Variants in STIMATE observed in about 807,000 individuals in gnomAD.
STIMATE encodes the protein STIM activating enhancer.
Under a neutral mutation model 36.7 loss-of-function variants are expected in STIMATE, and 15 were observed. That is an observed-to-expected ratio of 0.41 (90% CI 0.27 to 0.63). The LOEUF is 0.63. Ranked by LOEUF, STIMATE falls within the 20% of genes least tolerant of loss-of-function variation. The probability of loss-of-function intolerance (pLI) is 0.32; values close to 1 mark genes in which losing one functional copy is unlikely to be tolerated. For synonymous variants in STIMATE, 163 were observed against 162.3 expected, an observed-to-expected ratio of 1.00 and a Z score of -0.03; for missense variants, 305 against 397.3, an observed-to-expected ratio of 0.77 and a Z score of 1.98.
intron 1 of STIMATE, among the ~76,000 whole-genome samples, chr3:52,879,950 G>A (rs535366196): frequency 6.6e-5 from 10 of 152,282 alleles, no homozygotes; most frequent in African/African-American, 2.4e-4. Flanking sequence ...TTCTGGAGAC[G>A]GGCTTGCTGG....
At chr3:52,865,954 G>C (rs1176289040) in intron 1 of STIMATE, among the ~76,000 whole-genome samples, 1 of 152,076 alleles carries the variant, frequency 6.6e-6, no homozygotes, top group Non-Finnish European at 1.5e-5. Context: ...TAACCTTCCT[G>C]CTCTCACCTA....
intron 4 of STIMATE, among the ~76,000 whole-genome samples, chr3:52,845,773 AC>A (rs1559489166): frequency 6.6e-6 from 1 of 151,962 alleles, no homozygotes; most frequent in Admixed American, 6.6e-5. Flanking sequence ...GATATGAAGA[AC>A]CCTAGGGTGG....
intron 7 of STIMATE, 90 bp from the exon 8 acceptor site, chr3:52,840,700 G>GTTTTTT: frequency 3.8e-6 from 3 of 796,972 alleles, no homozygotes; most frequent in Non-Finnish European, 3.6e-6. Context: ...CAAGTCTCAT[G>GTTTTTT]TTTTTTTTTT....
intron 1 of STIMATE, among the ~76,000 whole-genome samples, chr3:52,889,397 C>T (rs1169084298): frequency 6.6e-6 from 1 of 152,182 alleles, no homozygotes; most frequent in Non-Finnish European, 1.5e-5. Flanking sequence ...CTACCTTCTC[C>T]ACATCTGTGT....
At chr3:52,845,021 C>T (rs776152669) in intron 4 of STIMATE, 80 bp from the exon 5 acceptor site, 47 of 1,460,804 alleles carry the variant, frequency 3.2e-5, no homozygotes, top group Non-Finnish European at 3.8e-5. Context: ...CTCCCCCACA[C>T]GCACCCCAGA....
intron 3 of STIMATE, 128 bp downstream of exon 3, chr3:52,852,475 G>C: frequency 8.9e-7 from 1 of 1,128,056 alleles, no homozygotes; most frequent in Non-Finnish European, 1.3e-6. Context: ...TCTCAGAGGA[G>C]CACAGAGGAA....
Position 52,895,006 on chromosome 3 carries a change from C to G in STIMATE, c.160+2285G>C, listed in dbSNP as rs964786279. On this transcript the variant is annotated intron_variant, in intron 1 of 7. Transcript: ENST00000355083. Reference sequence around the variant, plus strand: ...CCCTCCCTCAGGGCTGCGAGGGGGACCCTCGTCAGGGGAGCCTGGCCTTCA... The same window carrying G: ...CCCTCCCTCAGGGCTGCGAGGGGGAGCCTCGTCAGGGGAGCCTGGCCTTCA... 2.6e-5 allele frequency among the ~76,000 whole-genome samples: 4 copies of G among 152,376 alleles called. No individual in the cohort carries two copies. The Middle Eastern group carries it at 0.01, about 389-fold the overall frequency.
chr3:52,887,870 T>C (rs958296834), intron 1 of STIMATE, among the ~76,000 whole-genome samples: 1 of 152,174 alleles, frequency 6.6e-6, no homozygotes, highest in Non-Finnish European at 1.5e-5. Context: ...GGTTTTTACC[T>C]ATTTAGAATA....
At chr3:52,849,991 G>A in intron 3 of STIMATE, 78 bp from the exon 4 acceptor site, 1 of 1,530,782 alleles carries the variant, frequency 6.5e-7, no homozygotes, top group Non-Finnish European at 8.8e-7. Context: ...GGTGGCCTGA[G>A]GGAAGCGGAT....
At chr3:52,851,281 A>C (rs1302604455) in intron 3 of STIMATE, among the ~76,000 whole-genome samples, 2 of 152,224 alleles carry the variant, frequency 1.3e-5, no homozygotes, top group Non-Finnish European at 2.9e-5. Flanking sequence ...AGAGTGGGAG[A>C]CAAGGGCACT....
chr3:52,859,744 G>A (rs1160926156), intron 1 of STIMATE, among the ~76,000 whole-genome samples: 1 of 151,368 alleles, frequency 6.6e-6, no homozygotes, highest in Non-Finnish European at 1.5e-5. Context: ...TATGGATCAA[G>A]GAATTCACAT....
At chr3:52,883,469 T>C (rs1182460916) in intron 1 of STIMATE, among the ~76,000 whole-genome samples, 6 of 152,218 alleles carry the variant, frequency 3.9e-5, no homozygotes, top group African/African-American at 1.4e-4. Context: ...GCTTCTTAGA[T>C]CTATGAGTTT....
chr3:52,895,546 G>A (rs532099353), intron 1 of STIMATE, among the ~76,000 whole-genome samples: 1 of 152,318 alleles, frequency 6.6e-6, no homozygotes, highest in East Asian at 1.9e-4. Context: ...CAACCACAGT[G>A]GGATTTGCAC....
In STIMATE at chr3:52,838,660, T is replaced by C. The variant is rs1700747488; in HGVS notation, c.*1834A>G. 6.6e-6 allele frequency: 1 copy of C among 152,104 alleles called. No individual in the cohort carries two copies. Among genetic ancestry groups the C allele is most frequent in the Non-Finnish European group, 1.5e-5 (1 of 68,042 alleles). 9.4% of individuals were successfully genotyped at this position (152,104 alleles called of 1,614,324 possible). The stretch of plus-strand genomic sequence containing the variant: ...CTCCTACTGTAGTTACAGTCCCTGC[T>C]CCTCTCAGCACCCTGGCTCTGCACT... On this transcript the variant is annotated 3_prime_UTR_variant, in exon 8 of 8. Transcript: ENST00000355083.
intron 1 of STIMATE, among the ~76,000 whole-genome samples, chr3:52,884,169 T>A (rs1248799676): frequency 1.3e-5 from 2 of 152,130 alleles, no homozygotes; most frequent in Non-Finnish European, 2.9e-5. Context: ...TGCATACAGT[T>A]CAGTGAGTTT....
chr3:52,891,855 C>T (rs1381566808), intron 1 of STIMATE, among the ~76,000 whole-genome samples: 2 of 152,186 alleles, frequency 1.3e-5, no homozygotes, highest in African/African-American at 4.8e-5. Context: ...TGAAGACACA[C>T]CCCCAAGGAG....
intron 5 of STIMATE, among the ~76,000 whole-genome samples, chr3:52,844,230 A>T (rs915055628): frequency 6.6e-6 from 1 of 152,252 alleles, no homozygotes; most frequent in African/African-American, 2.4e-5. Flanking sequence ...AGCACTGAAA[A>T]GCCTTGGCTT....
rs185738344 is a variant in STIMATE at position 52,847,638 on chromosome 3, G to A, written c.427+2154C>T. The A allele has an allele frequency of 5.6e-3, 5,767 of 1,031,938 alleles. 21 individuals are homozygous for A. The highest frequency in any genetic ancestry group is 6.5e-3 in the Non-Finnish European group (4,883 of 754,028). The allele number at this position is 1,031,938 out of a possible 1,614,324, so 63.9% of individuals were successfully genotyped here. Reference sequence around the variant, plus strand: ...AGCTGTGGTACCTCTTCCTCAAATGGATGGGCAGGATAACAGGTGTGGGAG... The same window carrying A: ...AGCTGTGGTACCTCTTCCTCAAATGAATGGGCAGGATAACAGGTGTGGGAG... On this transcript the variant is annotated intron_variant, in intron 4 of 7. Transcript: ENST00000355083.
At chr3:52,890,477 A>G (rs1027286891) in intron 1 of STIMATE, among the ~76,000 whole-genome samples, 1 of 152,234 alleles carries the variant, frequency 6.6e-6, no homozygotes, top group Non-Finnish European at 1.5e-5. Flanking sequence ...TGGTTGTCAC[A>G]ATGAGAGATT....
Sources: allele counts gnomAD v4.1 joint callset (sites outside exome capture counted in the v4.1 genomes callset), GRCh38; gene constraint gnomAD v4.1.1; transcripts MANE v1.5; gene names NCBI Gene and HGNC (gene_info 2026-07-23, HGNC 2026-07-21).